The following PTPRO variants were observed in gnomAD, a reference collection of about 807,000 sequenced individuals.
PTPRO encodes the protein receptor-type tyrosine-protein phosphatase O.
In PTPRO, 62 loss-of-function variants were observed where a neutral mutation model predicts 145.2. The ratio of observed to expected loss-of-function variants is 0.43; its 90% confidence interval spans 0.35 to 0.53. The LOEUF (loss-of-function observed/expected upper bound fraction) is 0.53. Ranked by LOEUF, PTPRO falls within the 20% of genes least tolerant of loss-of-function variation. The pLI is 0.01. For synonymous variants in PTPRO, 565 were observed against 514.7 expected, an observed-to-expected ratio of 1.10 and a Z score of -1.32; for missense variants, 1,345 against 1,482.7, an observed-to-expected ratio of 0.91 and a Z score of 1.53.
At chr12:15,591,171 C>T (rs917817419) in intron 25 of PTPRO, among the ~76,000 whole-genome samples, 1 of 151,960 alleles carries the variant, frequency 6.6e-6, no homozygotes, top group Non-Finnish European at 1.5e-5. Flanking sequence ...AAGTTGGAGA[C>T]CAGCCTGGCC....
intron 19 of PTPRO, among the ~76,000 whole-genome samples, chr12:15,571,590 C>T (rs1486359095): frequency 1.3e-5 from 2 of 152,190 alleles, no homozygotes; most frequent in Non-Finnish European, 2.9e-5. Context: ...CCAGCCCAAC[C>T]TCTTTTTCAT....
intron 12 of PTPRO, among the ~76,000 whole-genome samples, chr12:15,532,267 T>C (rs1247553737): frequency 1.3e-5 from 2 of 152,208 alleles, no homozygotes; most frequent in African/African-American, 4.8e-5. Context: ...TAATTTTAAA[T>C]ACTATCTTAA....
At chr12:15,567,373 A>C (rs1303795831) in intron 18 of PTPRO, among the ~76,000 whole-genome samples, 2 of 150,398 alleles carry the variant, frequency 1.3e-5, no homozygotes, top group African/African-American at 2.5e-5. Context: ...CTTCCTTTCC[A>C]TCACCTCCTC....
chr12:15,465,473 C>T (rs1941395567), intron 1 of PTPRO, among the ~76,000 whole-genome samples: 1 of 152,136 alleles, frequency 6.6e-6, no homozygotes, highest in Admixed American at 6.5e-5. Context: ...GGAGAAGAGA[C>T]ATTTAAAATT....
chr12:15,415,399 T>G (rs1939921532), intron 1 of PTPRO, among the ~76,000 whole-genome samples: 3 of 151,930 alleles, frequency 2.0e-5, no homozygotes, highest in Admixed American at 6.6e-5. Context: ...TTTTTTTTTT[T>G]TTTGAGATGG....
At chr12:15,413,632 T>C (rs1939864168) in intron 1 of PTPRO, among the ~76,000 whole-genome samples, 2 of 152,060 alleles carry the variant, frequency 1.3e-5, no homozygotes, top group African/African-American at 2.4e-5. Flanking sequence ...CTAGCAAAGA[T>C]GATAAAACCC....
chr12:15,516,610 GGAGGAAGGAAGGAAGGAAGGA>G (rs1942601370), intron 8 of PTPRO, among the ~76,000 whole-genome samples, 132 bp from the exon 9 acceptor site: 3 of 130,758 alleles, frequency 2.3e-5, no homozygotes, highest in Non-Finnish European at 3.4e-5. Flanking sequence ...AGCAAGAAAG[GGAGGAAGGAAGGAAGGAAGGA>G]AGGAAGGGAG....
At position 15,453,106 on chromosome 12, in the gene PTPRO, G is replaced by T. The variant is rs180744355; in HGVS notation, c.76-30868G>T. Among the ~76,000 whole-genome samples the T allele has an allele frequency of 2.6e-4, 40 of 151,974 alleles. No homozygotes were observed. In the East Asian group the frequency reaches 4.6e-3, roughly 18 times the overall value. ...AGAAAATAATTTTTGTTTTCTGTATGCCTAGCAAGGAGAAAATCTAGATCC... is the reference window on the plus strand; with the variant it reads ...AGAAAATAATTTTTGTTTTCTGTATTCCTAGCAAGGAGAAAATCTAGATCC... On this transcript the variant is annotated intron_variant, in intron 1 of 26. Coordinates refer to ENST00000281171, the MANE Select transcript of PTPRO (RefSeq NM_030667.3).
At chr12:15,509,203 G>C (rs185857997) in intron 7 of PTPRO, among the ~76,000 whole-genome samples, 4 of 152,122 alleles carry the variant, frequency 2.6e-5, no homozygotes, top group Admixed American at 2.0e-4. Context: ...GGAGCTGAGC[G>C]TGAGTAACAT....
chr12:15,344,147 A>C (rs1867113413), intron 1 of PTPRO, among the ~76,000 whole-genome samples: 1 of 152,200 alleles, frequency 6.6e-6, no homozygotes, highest in African/African-American at 2.4e-5. Context: ...AAGAAATAAT[A>C]ATGAGAACTA....
chr12:15,419,771 C>A (rs911094685), intron 1 of PTPRO, among the ~76,000 whole-genome samples: 3 of 150,806 alleles, frequency 2.0e-5, no homozygotes, highest in African/African-American at 7.4e-5. Context: ...GGTAATCCAA[C>A]ATTAGACAGA....
intron 1 of PTPRO, among the ~76,000 whole-genome samples, chr12:15,327,466 A>G (rs1866479069): frequency 6.6e-6 from 1 of 152,140 alleles, no homozygotes; most frequent in Non-Finnish European, 1.5e-5. Flanking sequence ...AGAACTGACC[A>G]AGATTTCTGT....
rs186031706 is a variant in PTPRO, at chr12:15,570,565, C to T, written c.2829+1067C>T. On this transcript the variant is annotated intron_variant, in intron 19 of 26. Transcript: ENST00000281171. ...GTGTCCTGAAAAATTCCACACAGAG[C>T]CTGCTCACTTATCCATTGTATCCAG... Among the ~76,000 whole-genome samples the T allele has an allele frequency of 6.4e-4, 97 of 152,210 alleles. No individual in the cohort carries two copies. In the Middle Eastern group the frequency reaches 0.017, roughly 27 times the overall value.
intron 1 of PTPRO, chr12:15,439,587 A>T: frequency 3.6e-6 from 1 of 280,828 alleles, no homozygotes; most frequent in Non-Finnish European, 7.0e-6. Context: ...TGGGATGGGG[A>T]ACCACAGTGG....
chr12:15,379,365 C>CA lies in PTPRO; in HGVS notation c.75+56580dup, dbSNP rs144784597. Among the ~76,000 whole-genome samples the CA allele has an allele frequency of 5.6e-3, 625 of 111,028 alleles. 3 individuals are homozygous for CA. Among genetic ancestry groups the CA allele is most frequent in the East Asian group, 0.012 (46 of 3,892 alleles). 72.8% of individuals were successfully genotyped at this position (111,028 alleles called of 152,430 possible). A position where few individuals can be genotyped will look rare whatever the true frequency, so the allele number is the denominator to read the frequency against. On this transcript the variant is annotated intron_variant, in intron 1 of 26. Transcript: ENST00000281171. ...GAAACCCCTGTCTCTACTAAAAATA[C>CA]AAAAAAAAAAAAAAAATTACCTGGG...
chr12:15,508,275 G>A (rs570990054), intron 6 of PTPRO, among the ~76,000 whole-genome samples: 8 of 152,294 alleles, frequency 5.3e-5, no homozygotes, highest in African/African-American at 1.9e-4. Context: ...TGTTAAAAGA[G>A]AAGTAAGTTT....
chr12:15,451,393 G>T (rs1035805720), intron 1 of PTPRO, among the ~76,000 whole-genome samples: 8 of 151,974 alleles, frequency 5.3e-5, no homozygotes, highest in Non-Finnish European at 1.0e-4. Flanking sequence ...GCATAATAAT[G>T]GTGGGAGACT....
chr12:15,483,502 A>G (rs1281474060), intron 1 of PTPRO, among the ~76,000 whole-genome samples: 1 of 152,132 alleles, frequency 6.6e-6, no homozygotes, highest in Non-Finnish European at 1.5e-5. Flanking sequence ...CAGAGCTAGC[A>G]GATGAGAGGA....
chr12:15,501,606 T>C lies in PTPRO; in HGVS notation c.662-14T>C. Reference sequence around the variant, plus strand: ...TTAAAAAATACTTGAAAATGAAAATTCTCTCTCTTACAGCCCCTTATCCAC... The same window carrying C: ...TTAAAAAATACTTGAAAATGAAAATCCTCTCTCTTACAGCCCCTTATCCAC... On this transcript the variant is annotated splice_polypyrimidine_tract_variant and intron_variant, in intron 4 of 26. Transcript: ENST00000281171. 1 of 1,602,356 alleles carries C rather than the reference T, an allele frequency of 6.2e-7. No homozygotes were observed.
Sources: gnomAD v4.1 joint callset for allele counts (sites outside exome capture counted in the v4.1 genomes callset) on GRCh38, gnomAD v4.1.1 for gene constraint, MANE v1.5 for transcripts, NCBI Gene and HGNC (gene_info 2026-07-23, HGNC 2026-07-21) for gene names.